KAT6B: variants seen among roughly 807,000 people sequenced by gnomAD.
KAT6B encodes histone acetyltransferase KAT6B.
KAT6B carries 10 observed loss-of-function variants against 187.5 expected under a neutral mutation model. That is an observed-to-expected ratio of 0.05 (90% confidence interval 0.03 to 0.09). The LOEUF (loss-of-function observed/expected upper bound fraction) is 0.09, where lower values mean the gene tolerates loss of function less well. Among genes scored for constraint, KAT6B ranks in the 10% least tolerant of loss-of-function variants. The pLI, the probability that KAT6B is intolerant of heterozygous loss-of-function variation, is 1.00. For missense variants in KAT6B, 1,952 were observed against 2,558.9 expected, an observed-to-expected ratio of 0.76 and a Z score of 5.12; for synonymous variants, 861 against 926.8, an observed-to-expected ratio of 0.93 and a Z score of 1.29.
rs1336401953 is a variant in KAT6B at position 74,935,636 on chromosome 10, A to C, written c.622-24334A>C. Among the ~76,000 whole-genome samples, 3 of 152,368 alleles carry C rather than the reference A, an allele frequency of 2.0e-5. No individual in the cohort carries two copies. The East Asian group carries it at 5.8e-4, about 29-fold the overall frequency. ...ATCTTTTTAAATGCAAAACATACCA[A>C]GTAAAATTGAACAAAATCCTGGCTG... On this transcript the variant is annotated intron_variant, in intron 3 of 17. Coordinates refer to ENST00000287239, the MANE Select transcript of KAT6B (RefSeq NM_012330.4).
chr10:74,935,742 G>T (rs907705781), intron 3 of KAT6B, among the ~76,000 whole-genome samples: 15 of 152,234 alleles, frequency 9.9e-5, no homozygotes, highest in African/African-American at 3.1e-4. Context: ...GGCATGAATG[G>T]CTTGGTCTTT....
chr10:74,920,740 T>C (rs962218559), intron 3 of KAT6B, among the ~76,000 whole-genome samples: 1 of 152,182 alleles, frequency 6.6e-6, no homozygotes, highest in Admixed American at 6.5e-5. Context: ...TTCTCCAAAC[T>C]CTGGTGATTT....
At chr10:75,005,040 G>T (rs2134002078) in intron 13 of KAT6B, among the ~76,000 whole-genome samples, 1 of 152,198 alleles carries the variant, frequency 6.6e-6, no homozygotes, top group East Asian at 1.9e-4. Context: ...GATCAAGAAA[G>T]ATTTTGCTCT....
chr10:74,978,587 G>A (rs552379787), intron 9 of KAT6B, among the ~76,000 whole-genome samples: 1 of 152,290 alleles, frequency 6.6e-6, no homozygotes, highest in East Asian at 1.9e-4. Flanking sequence ...GGTAAAACTG[G>A]CTTTTTTTAT....
intron 12 of KAT6B, among the ~76,000 whole-genome samples, chr10:74,987,551 A>G (rs564286958): frequency 5.3e-4 from 80 of 152,364 alleles, no homozygotes; most frequent in African/African-American, 1.9e-3. Flanking sequence ...ACTACAGTTC[A>G]AGGATAGCCA....
chr10:74,964,615 G>A (rs541016337), intron 4 of KAT6B, among the ~76,000 whole-genome samples: 5 of 152,046 alleles, frequency 3.3e-5, no homozygotes, highest in African/African-American at 7.2e-5. Flanking sequence ...CTTTTCCAAC[G>A]AGTCTACCCC....
intron 3 of KAT6B, among the ~76,000 whole-genome samples, chr10:74,853,864 T>A (rs980776321): frequency 5.4e-5 from 8 of 149,428 alleles, no homozygotes; most frequent in Non-Finnish European, 5.9e-5. Flanking sequence ...CTCCTGACCT[T>A]GTGATCTGCC....
intron 3 of KAT6B, among the ~76,000 whole-genome samples, chr10:74,927,891 C>A (rs1386643261): frequency 6.6e-6 from 1 of 152,144 alleles, no homozygotes. Context: ...CCTAAACTCG[C>A]AAGAGAATAC....
At chr10:74,843,510 A>T (rs775776523) in intron 3 of KAT6B, 32 bp downstream of exon 3, 10 of 1,610,890 alleles carry the variant, frequency 6.2e-6, no homozygotes, top group Admixed American at 1.7e-5. Flanking sequence ...GTGCATTCTC[A>T]CTACTGTCCT....
intron 13 of KAT6B, chr10:75,003,132 A>G (rs17714745): frequency 6.6e-6 from 1 of 152,066 alleles, no homozygotes; most frequent in South Asian, 2.1e-4. Flanking sequence ...CTATCTTAAG[A>G]TCATTTCAGT....
At chr10:74,904,372 T>C (rs550506106) in intron 3 of KAT6B, among the ~76,000 whole-genome samples, 5 of 152,364 alleles carry the variant, frequency 3.3e-5, no homozygotes, top group African/African-American at 1.2e-4. Flanking sequence ...CAGTGCCTTA[T>C]GGTTGTAAGA....
rs1842125965 is a variant in KAT6B, at chr10:74,975,887, C to T, written c.1550C>T (p.Pro517Leu). 1.9e-6 allele frequency: 3 copies of T among 1,614,134 alleles called. No individual in the cohort carries two copies. Among genetic ancestry groups the T allele is most frequent in the Non-Finnish European group, 1.7e-6 (2 of 1,180,012 alleles). ...SQKSSTATSS[P>L]SPQSSSSQCS... Reference sequence around the variant, plus strand: ...AAGTCCAGCACGGCCACTTCTTCTCCCTCTCCCCAGAGTTCTTCCAGCCAG... The same window carrying T: ...AAGTCCAGCACGGCCACTTCTTCTCTCTCTCCCCAGAGTTCTTCCAGCCAG... The change falls in exon 8 of 18, where the codon CCC (proline) becomes CTC (leucine). Residue 517 changes from proline (P) to leucine (L), a missense_variant. Coordinates refer to ENST00000287239, the MANE Select transcript of KAT6B (RefSeq NM_012330.4).
At chr10:74,999,972 C>G (rs1026638142) in intron 13 of KAT6B, among the ~76,000 whole-genome samples, 1 of 152,154 alleles carries the variant, frequency 6.6e-6, no homozygotes, top group African/African-American at 2.4e-5. Context: ...GTCAGGAGTT[C>G]AAGACCAGCC....
intron 13 of KAT6B, among the ~76,000 whole-genome samples, chr10:75,006,373 T>C (rs1286188445): frequency 2.6e-5 from 4 of 152,184 alleles, no homozygotes; most frequent in Non-Finnish European, 5.9e-5. Flanking sequence ...ATTAAAACAT[T>C]TATCCTGCCT....
At chr10:75,019,647 C>T (rs1020288902) in intron 13 of KAT6B, among the ~76,000 whole-genome samples, 6 of 152,040 alleles carry the variant, frequency 3.9e-5, no homozygotes, top group Non-Finnish European at 5.9e-5. Context: ...ATAATTAGAG[C>T]AAGGTAGACA....
chr10:74,911,568 T>G (rs1365176104), intron 3 of KAT6B, among the ~76,000 whole-genome samples: 1 of 152,072 alleles, frequency 6.6e-6, no homozygotes, highest in African/African-American at 2.4e-5. Flanking sequence ...GTGCCCAGCC[T>G]TTAGTCTACT....
Position 75,028,515 on chromosome 10 carries a change from T to C in KAT6B, c.3691T>C (p.Leu1231=). 6.2e-7 allele frequency: 1 copy of C among 1,614,172 alleles called. No individual in the cohort carries two copies. Among genetic ancestry groups the C allele is most frequent in the Non-Finnish European group, 8.5e-7 (1 of 1,180,038 alleles). Residue 1231 remains leucine (L), a synonymous_variant, in exon 18 of 18, where the codon TTG becomes CTG. Transcript: ENST00000287239. ...RNNMNDDSSN[L]KEGSKDNPEP... ...CAATATGAATGATGATTCAAGTAAC[T>C]TGAAAGAAGGCAGTAAAGACAATCC...
intron 13 of KAT6B, among the ~76,000 whole-genome samples, chr10:75,005,292 A>C (rs1416474851): frequency 6.7e-6 from 1 of 150,154 alleles, no homozygotes; most frequent in Admixed American, 6.7e-5. Flanking sequence ...ATCTCAGCTC[A>C]CTGCAGCCTC....
chr10:74,868,754 C>T (rs1291426738), intron 3 of KAT6B, among the ~76,000 whole-genome samples: 2 of 152,118 alleles, frequency 1.3e-5, no homozygotes, highest in African/African-American at 4.8e-5. Flanking sequence ...TGCTGGGTGT[C>T]GCCGTTTATA....
Sources: gnomAD v4.1 joint callset for allele counts (sites outside exome capture counted in the v4.1 genomes callset) on GRCh38, gnomAD v4.1.1 for gene constraint, MANE v1.5 for transcripts, NCBI Gene and HGNC (gene_info 2026-07-23, HGNC 2026-07-21) for gene names.